Variants in SERGEF observed in about 807,000 individuals in gnomAD.
SERGEF encodes secretion-regulating guanine nucleotide exchange factor.
SERGEF carries 51 observed loss-of-function variants against 50.0 expected under a neutral mutation model. The observed-to-expected ratio is 1.02, with a 90% CI of 0.81 to 1.29. SERGEF has a LOEUF of 1.29. Among genes scored for constraint, SERGEF ranks in the 50% most tolerant of loss-of-function variants. SERGEF has a pLI of 0.00. For synonymous variants in SERGEF, 205 were observed against 212.4 expected (o/e 0.97, Z 0.30); for missense variants, 521 against 557.0 (o/e 0.94, Z 0.65).
At position 17,995,917 on chromosome 11, in the gene SERGEF, A is replaced by G; in HGVS notation, c.509-8T>C. ...GGAACACGATGCCACTCGCTTCCCA[A>G]CAGAATGGAAGAGAAAGCAGAGAAG... On this transcript the variant is annotated splice_polypyrimidine_tract_variant and splice_region_variant and intron_variant, in intron 5 of 10. Transcript: ENST00000265965. 1.3e-6 allele frequency: 2 copies of G among 1,599,678 alleles called. No individual in the cohort carries two copies. The highest frequency in any genetic ancestry group is 1.7e-6 in the Non-Finnish European group (2 of 1,167,318).
chr11:17,810,975 C>G (rs1052150854), intron 10 of SERGEF, among the ~76,000 whole-genome samples: 4 of 152,146 alleles, frequency 2.6e-5, no homozygotes, highest in African/African-American at 9.7e-5. Context: ...TGTTCTAGCC[C>G]GGAGCCTCTT....
At chr11:17,791,553 A>T (rs866461462) in intron 10 of SERGEF, among the ~76,000 whole-genome samples, 4 of 152,220 alleles carry the variant, frequency 2.6e-5, no homozygotes, top group African/African-American at 4.8e-5. Context: ...TGTTTATCAG[A>T]TATTTATATT....
chr11:17,794,186 G>C (rs1168697349), intron 10 of SERGEF, among the ~76,000 whole-genome samples: 4 of 152,218 alleles, frequency 2.6e-5, no homozygotes, highest in Non-Finnish European at 4.4e-5. Flanking sequence ...GGTGTGATCA[G>C]TGAGGGTCAA....
chr11:17,993,202 G>A (rs1853758383), intron 6 of SERGEF, among the ~76,000 whole-genome samples: 1 of 152,076 alleles, frequency 6.6e-6, no homozygotes, highest in Admixed American at 6.5e-5. Flanking sequence ...AATACATTCA[G>A]GATAAAGGAG....
intron 6 of SERGEF, 94 bp downstream of exon 6, chr11:17,995,702 C>A (rs1431378339): frequency 4.5e-6 from 4 of 888,070 alleles, no homozygotes; most frequent in South Asian, 1.6e-5. Flanking sequence ...CAAGAAATAG[C>A]AAAATCAAAA....
chr11:17,839,956 G>A (rs1398669017), intron 10 of SERGEF, among the ~76,000 whole-genome samples: 1 of 152,250 alleles, frequency 6.6e-6, no homozygotes, highest in Non-Finnish European at 1.5e-5. Context: ...GTCCTTGGCA[G>A]ATTTGCCTAA....
chr11:17,931,530 G>A (rs1281507500), intron 9 of SERGEF, among the ~76,000 whole-genome samples: 1 of 152,110 alleles, frequency 6.6e-6, no homozygotes, highest in Admixed American at 6.6e-5. Flanking sequence ...TCTTAGGGCT[G>A]GAGAACCACA....
At chr11:17,987,370 A>T (rs1235031289) in intron 8 of SERGEF, among the ~76,000 whole-genome samples, 1 of 152,238 alleles carries the variant, frequency 6.6e-6, no homozygotes, top group Non-Finnish European at 1.5e-5. Context: ...AGAGCTCATT[A>T]TCTGAAACAA....
chr11:17,936,417 C>T (rs1590207176), intron 9 of SERGEF, among the ~76,000 whole-genome samples: 2 of 152,162 alleles, frequency 1.3e-5, no homozygotes, highest in Admixed American at 6.5e-5. Context: ...TATGTAATAT[C>T]TCAGTAGTCA....
chr11:17,900,748 T>C (rs955793599), intron 9 of SERGEF, among the ~76,000 whole-genome samples: 4 of 152,196 alleles, frequency 2.6e-5, no homozygotes, highest in African/African-American at 9.7e-5. Flanking sequence ...AGTATATTTA[T>C]GTGTGTGGAA....
At chr11:17,914,196 T>C (rs1433350125) in intron 9 of SERGEF, among the ~76,000 whole-genome samples, 1 of 152,246 alleles carries the variant, frequency 6.6e-6, no homozygotes, top group African/African-American at 2.4e-5. Flanking sequence ...GAATGCTTCC[T>C]TCTTGTCCAA....
intron 9 of SERGEF, among the ~76,000 whole-genome samples, chr11:17,923,378 G>T (rs1852192705): frequency 1.3e-5 from 2 of 152,304 alleles, no homozygotes; most frequent in African/African-American, 4.8e-5. Context: ...GCCCAATCCT[G>T]GGACATGTTC....
intron 10 of SERGEF, among the ~76,000 whole-genome samples, chr11:17,850,240 T>C (rs1391692913): frequency 2.0e-5 from 3 of 152,198 alleles, no homozygotes; most frequent in Non-Finnish European, 4.4e-5. Context: ...CTCCCAGCAC[T>C]GTTACACTGG....
At chr11:17,891,885 C>T (rs890551086) in intron 9 of SERGEF, among the ~76,000 whole-genome samples, 1 of 152,184 alleles carries the variant, frequency 6.6e-6, no homozygotes. Flanking sequence ...CTACTATTGG[C>T]TAGACATTTT....
chr11:17,825,201 T>C (rs1850170340), intron 10 of SERGEF, among the ~76,000 whole-genome samples: 1 of 152,170 alleles, frequency 6.6e-6, no homozygotes, highest in Admixed American at 6.5e-5. Context: ...ATGAAAATGG[T>C]CCTTGACCTC....
chr11:17,833,099 G>C lies in SERGEF; in HGVS notation c.1049-44686C>G, dbSNP rs373414754. ...GACAAGGGGGAAAAATGTCTCCAGG[G>C]CATGTCAGAGCAGCCCCTTCCATCA... On this transcript the variant is annotated intron_variant, in intron 10 of 10. Transcript: ENST00000265965. Among the ~76,000 whole-genome samples the C allele has an allele frequency of 3.3e-5, 5 of 152,216 alleles. No individual in the cohort carries two copies. In the East Asian group the frequency reaches 5.8e-4, roughly 18 times the overall value.
At chr11:17,910,376 G>C (rs1331713571) in intron 9 of SERGEF, among the ~76,000 whole-genome samples, 7 of 152,124 alleles carry the variant, frequency 4.6e-5, no homozygotes, top group Non-Finnish European at 1.0e-4. Flanking sequence ...AACCTCCCGA[G>C]TAGTTAGGAC....
intron 9 of SERGEF, among the ~76,000 whole-genome samples, chr11:17,912,101 AAAAC>A (rs1851966238): frequency 6.6e-6 from 1 of 152,222 alleles, no homozygotes; most frequent in Admixed American, 6.5e-5. Context: ...GAAACAAAAC[AAAAC>A]AAACAGAGAG....
intron 9 of SERGEF, among the ~76,000 whole-genome samples, chr11:17,924,018 T>C (rs1240876301): frequency 6.6e-6 from 1 of 152,188 alleles, no homozygotes; most frequent in Non-Finnish European, 1.5e-5. Flanking sequence ...TCCTAGTCTG[T>C]AGAGTGAAGA....
Sources: allele counts gnomAD v4.1 joint callset (sites outside exome capture counted in the v4.1 genomes callset), GRCh38; gene constraint gnomAD v4.1.1; transcripts MANE v1.5; gene names NCBI Gene and HGNC (gene_info 2026-07-23, HGNC 2026-07-21).